KIF18B: variants seen among roughly 807,000 people sequenced by gnomAD.
The protein encoded by KIF18B is kinesin-like protein KIF18B.
A neutral mutation model predicts 80.9 loss-of-function variants in KIF18B; 49 were observed. The observed-to-expected ratio is 0.61, with a 90% CI of 0.48 to 0.77. The LOEUF is 0.77. Ranked by LOEUF, KIF18B falls within the 30% of genes least tolerant of loss-of-function variation. The pLI is 0.00. For missense variants in KIF18B, 994 were observed against 1,127.7 expected (o/e 0.88, Z 1.70); for synonymous variants, 439 against 463.9 (o/e 0.95, Z 0.69).
At position 44,927,986 on chromosome 17, in the gene KIF18B, A is replaced by T. The variant is rs748528579; in HGVS notation, c.2276+40T>A. 6.7e-7 allele frequency: 1 copy of T among 1,482,232 alleles called. No homozygotes were observed. Among genetic ancestry groups the T allele is most frequent in the East Asian group, 2.3e-5 (1 of 43,200 alleles). 91.8% of individuals were successfully genotyped at this position (1,482,232 alleles called of 1,614,324 possible). ...CCAAGAAGTCCCTTGCTGACCACTG[A>T]CCACTGACAGGAGGGGTGGAGCGAG... On this transcript the variant is annotated intron_variant, in intron 13 of 15. Coordinates refer to ENST00000593135, the MANE Select transcript of KIF18B (RefSeq NM_001265577.2). This position sits in a 1 kb window ranked among gnomAD's most constrained non-coding sequence, Gnocchi z 4.1.
Position 44,928,273 on chromosome 17 carries a change from C to A in KIF18B, c.2029G>T (p.Gly677Ter). ...QPSQGPSTPKGERASSPCHSP... is the reference protein window; with the variant it reads ...QPSQGPSTPK ...TGGCAGGGGGAGGAGGCCCTTTCTC[C>A]TTTGGGGGTGCTGGGCCCCTGTGAA... Residue 677 changes from glycine to a stop codon, truncating the protein, a stop_gained, in exon 13 of 16, where the codon GGA becomes TGA. Transcript: ENST00000593135. LOFTEE classifies it high-confidence loss of function. The A allele has an allele frequency of 3.1e-6, 5 of 1,613,570 alleles. No individual in the cohort carries two copies. Among genetic ancestry groups the A allele is most frequent in the Non-Finnish European group, 4.2e-6 (5 of 1,179,834 alleles).
At position 44,928,021 on chromosome 17, in the gene KIF18B, C is replaced by T. The variant is rs775764457; in HGVS notation, c.2276+5G>A. Reference sequence around the variant, plus strand: ...GGAGGGGTGGAGCGAGACTGGGAGACCCACCTGGGGATGAAGGGCTGGTCC... The same window carrying T: ...GGAGGGGTGGAGCGAGACTGGGAGATCCACCTGGGGATGAAGGGCTGGTCC... On this transcript the variant is annotated splice_donor_5th_base_variant and intron_variant, in intron 13 of 15. Transcript: ENST00000593135. 2 of 1,513,428 alleles carry T rather than the reference C, an allele frequency of 1.3e-6. No individual in the cohort carries two copies. Among genetic ancestry groups the T allele is most frequent in the East Asian group, 2.3e-5 (1 of 43,756 alleles). The allele number at this position is 1,513,428 out of a possible 1,614,324, so 93.7% of individuals were successfully genotyped here. A position where few individuals can be genotyped will look rare whatever the true frequency, so the allele number is the denominator to read the frequency against.
Position 44,936,093 on chromosome 17 carries a change from G to A in KIF18B, c.252C>T (p.Asp84=), listed in dbSNP as rs759495095. ...RVFGEAATQQ[D]VFQHTTHSVL... is the part of the protein sequence containing the mutation. ...CGCTGTGCGTGGTGTGCTGGAACAC[G>A]TCCTGTTGGGTGGCCGCCTCGCCAA... Residue 84 remains aspartate (D), a synonymous_variant, in exon 2 of 16, where the codon GAC becomes GAT. Transcript: ENST00000593135. The A allele has an allele frequency of 8.7e-6, 14 of 1,613,716 alleles. No individual in the cohort carries two copies. Among genetic ancestry groups the A allele is most frequent in the Admixed American group, 3.3e-5 (2 of 60,010 alleles).
intron 3 of KIF18B, among the ~76,000 whole-genome samples, 153 bp downstream of exon 3, chr17:44,935,106 T>C (rs2052253347): frequency 6.6e-6 from 1 of 152,060 alleles, no homozygotes; most frequent in Non-Finnish European, 1.5e-5. Context: ...CGGGTGTCTC[T>C]AGTGCAGCAT....
rs774935576 is a variant in KIF18B, at chr17:44,928,398, A to G, written c.1904T>C (p.Leu635Ser). ...TGGGGCCATGGGACTGTCTGCCTCCAAGGCGCTTGGTCTCCTCCTCTTCTT... is the reference window on the plus strand; with the variant it reads ...TGGGGCCATGGGACTGTCTGCCTCCGAGGCGCTTGGTCTCCTCCTCTTCTT... ...MEKKRRRPSA[L>S]EADSPMAPKR... The change falls in exon 13 of 16, where the codon TTG becomes TCG. Residue 635 changes from leucine (L) to serine (S), a missense_variant. Leu to Ser is a moderately radical substitution (Grantham distance 145, BLOSUM62 -2). Transcript: ENST00000593135. The G allele has an allele frequency of 6.4e-6, 10 of 1,560,368 alleles. No homozygotes were observed. The East Asian group carries it at 2.4e-4, about 37-fold the overall frequency.
chr17:44,925,656 C>T lies in KIF18B; in HGVS notation c.*424G>A, dbSNP rs2052010467. On this transcript the variant is annotated 3_prime_UTR_variant, in exon 16 of 16. Coordinates refer to ENST00000593135, the MANE Select transcript of KIF18B (RefSeq NM_001265577.2). ...ATTAGCTGGGTGTGGTGATGGGTGC[C>T]TGTAATCCCAGCTACTTGGAAAGCT... The T allele has an allele frequency of 4.4e-6, 1 of 224,792 alleles. No homozygotes were observed. Among genetic ancestry groups the T allele is most frequent in the African/African-American group, 2.4e-5 (1 of 41,556 alleles). 13.9% of individuals were successfully genotyped at this position (224,792 alleles called of 1,614,324 possible). A position where few individuals can be genotyped will look rare whatever the true frequency, so the allele number is the denominator to read the frequency against.
At position 44,928,804 on chromosome 17, in the gene KIF18B, C is replaced by T. The variant is rs780999932; in HGVS notation, c.1723+15G>A. On this transcript the variant is annotated intron_variant, in intron 12 of 15. Transcript: ENST00000593135. ...CACCTTGAAGACAGGCAGGGGAGAG[C>T]AGGATGAGACTCACTTGACTCTGAA... 19 of 1,611,402 alleles carry T rather than the reference C, an allele frequency of 1.2e-5. No homozygotes were observed. The highest frequency in any genetic ancestry group is 8.5e-7 in the Non-Finnish European group (1 of 1,178,636).
At chr17:44,933,722 A>T (rs185088261) in intron 7 of KIF18B, among the ~76,000 whole-genome samples, 2 of 151,828 alleles carry the variant, frequency 1.3e-5, no homozygotes, top group Non-Finnish European at 2.9e-5. Context: ...CGAACTCCTG[A>T]CCTCTGGTGA....
chr17:44,939,697 C>T (rs553353294), intron 1 of KIF18B, among the ~76,000 whole-genome samples: 6 of 152,198 alleles, frequency 3.9e-5, no homozygotes, highest in African/African-American at 1.4e-4. Context: ...TTTATTCACA[C>T]CTTTACAGTC....
intron 1 of KIF18B, among the ~76,000 whole-genome samples, chr17:44,939,366 CAAAAAAAAAAAAA>C (rs781348504): frequency 2.1e-3 from 79 of 36,944 alleles, no homozygotes; most frequent in African/African-American, 7.8e-3. Flanking sequence ...GACTCCATCT[CAAAAAAAAAAAAA>C]AAAAAAAAAA....
intron 3 of KIF18B, 109 bp downstream of exon 3, chr17:44,935,150 C>T: frequency 8.4e-7 from 1 of 1,188,806 alleles, no homozygotes; most frequent in Admixed American, 2.8e-5. Flanking sequence ...TTGAGGGGTG[C>T]CAGCTCTCCA....
chr17:44,947,113 C>CAAAAAAAAAAAAAAAAAAAAA (rs57955845), intron 1 of KIF18B, among the ~76,000 whole-genome samples: 2 of 54,008 alleles, frequency 3.7e-5, no homozygotes, highest in African/African-American at 6.5e-5. Flanking sequence ...ACTCCATCTC[C>CAAAAAAAAAAAAAAAAAAAAA]AAAAAAAAAA....
chr17:44,939,285 C>T (rs1322270309), intron 1 of KIF18B, among the ~76,000 whole-genome samples: 8 of 137,742 alleles, frequency 5.8e-5, no homozygotes, highest in African/African-American at 1.1e-4. Flanking sequence ...GTAGGAGAAC[C>T]GCTTGAACTT....
intron 9 of KIF18B, 74 bp downstream of exon 9, chr17:44,932,599 A>G (rs530479169): frequency 1.2e-6 from 1 of 849,180 alleles, no homozygotes; most frequent in Admixed American, 1.8e-5. Flanking sequence ...TCCTCCAGAA[A>G]CTGGAGAAGA....
chr17:44,940,060 C>T (rs924968046), intron 1 of KIF18B, among the ~76,000 whole-genome samples: 6 of 152,236 alleles, frequency 3.9e-5, no homozygotes, highest in African/African-American at 1.2e-4. Context: ...GGATTACAGG[C>T]GTGAGCCACT....
At chr17:44,936,590 CTCTCTCTCTATATA>C (rs1445103115) in intron 1 of KIF18B, among the ~76,000 whole-genome samples, 145 of 59,020 alleles carry the variant, frequency 2.5e-3, no homozygotes, top group Middle Eastern at 7.2e-3. Flanking sequence ...CTCTCTCTCT[CTCTCTCTCTATATA>C]TATATATATA....
chr17:44,932,258 G>A (rs780312006), intron 9 of KIF18B, 52 bp from the exon 10 acceptor site: 7 of 1,528,862 alleles, frequency 4.6e-6, no homozygotes, highest in Non-Finnish European at 6.1e-6. Context: ...CGGGAAAGGA[G>A]GGTTTGAGAG....
In KIF18B at chr17:44,928,289, C is replaced by T. The variant is rs752355477; in HGVS notation, c.2013G>A (p.Gly671=). 6.2e-7 allele frequency: 1 copy of T among 1,613,200 alleles called. No individual in the cohort carries two copies. Among genetic ancestry groups the T allele is most frequent in the African/African-American group, 1.3e-5 (1 of 74,904 alleles). ...GSLPDTQPSQ[G]PSTPKGERAS... ...CCCTTTCTCCTTTGGGGGTGCTGGG[C>T]CCCTGTGAAGGTTGGGTGTCAGGCA... Residue 671 remains glycine (G), a synonymous_variant, in exon 13 of 16, where the codon GGG becomes GGA. Transcript: ENST00000593135.
At chr17:44,947,040 C>T (rs1238478283) in intron 1 of KIF18B, among the ~76,000 whole-genome samples, 1 of 130,030 alleles carries the variant, frequency 7.7e-6, no homozygotes, top group Non-Finnish European at 1.6e-5. Context: ...ACCCGGGAGG[C>T]GGAGGTTGCA....
Sources: gnomAD v4.1 joint callset for allele counts (sites outside exome capture counted in the v4.1 genomes callset) on GRCh38, gnomAD v4.1.1 for gene constraint, Gnocchi (gnomAD v3.1) non-coding constraint, MANE v1.5 for transcripts, NCBI Gene and HGNC (gene_info 2026-07-23, HGNC 2026-07-21) for gene names.